The following RNU6-2 variants were observed in gnomAD, a reference collection of about 807,000 sequenced individuals.
RNU6-2 encodes RNA, U6 small nuclear 2.
At chr19:1,021,602 C>G (rs1203094578) in exon 1 of RNU6-2, 4 of 152,268 alleles carry the variant, frequency 2.6e-5, no homozygotes, top group East Asian at 1.9e-4. Flanking sequence ...GGATGACACG[C>G]AAATTCGTGA....
chr19:1,021,594 A>G lies in RNU6-2; in HGVS notation n.73A>G, dbSNP rs1379245973. 6.6e-6 allele frequency: 1 copy of G among 152,310 alleles called. No individual in the cohort carries two copies. Among genetic ancestry groups the G allele is most frequent in the South Asian group, 2.1e-4 (1 of 4,842 alleles). The allele number at this position is 152,310 out of a possible 1,614,324, so 9.4% of individuals were successfully genotyped here. A position where few individuals can be genotyped will look rare whatever the true frequency, so the allele number is the denominator to read the frequency against. ...AGATTAGCATGGCCCCTGCGCAAGG[A>G]TGACACGCAAATTCGTGAAGCGTTC... On this transcript the variant is annotated non_coding_transcript_exon_variant, in exon 1 of 1. Coordinates refer to ENST00000384627, the Ensembl canonical transcript of RNU6-2.
exon 1 of RNU6-2, chr19:1,021,626 T>C (rs976193061): frequency 3.9e-5 from 6 of 152,246 alleles, no homozygotes; most frequent in Non-Finnish European, 8.8e-5. Context: ...GTTCCATATT[T>C]TTGCTGTAGT....
At chr19:1,021,588 G>GT (rs1335323576) in exon 1 of RNU6-2, 2 of 152,244 alleles carry the variant, frequency 1.3e-5, no homozygotes, top group East Asian at 3.9e-4. Context: ...TGGCCCCTGC[G>GT]CAAGGATGAC....
At chr19:1,021,525 C>G (rs560187947) in exon 1 of RNU6-2, 6 of 152,280 alleles carry the variant, frequency 3.9e-5, no homozygotes, top group Non-Finnish European at 8.8e-5. Context: ...TTGAGTCGTG[C>G]TCGCTTCGGC....
chr19:1,021,522 G>C (rs796277980), exon 1 of RNU6-2: 4 of 152,404 alleles, frequency 2.6e-5, no homozygotes, highest in Admixed American at 6.5e-5. Context: ...CCCTTGAGTC[G>C]TGCTCGCTTC....
exon 1 of RNU6-2, chr19:1,021,628 T>C (rs117481827): frequency 0.092 from 13,985 of 152,354 alleles, 889 homozygotes; most frequent in Middle Eastern, 0.17. Context: ...TCCATATTTT[T>C]GCTGTAGTCT....
At chr19:1,021,601 G>C (rs914855510) in exon 1 of RNU6-2, 1 of 152,284 alleles carries the variant, frequency 6.6e-6, no homozygotes, top group African/African-American at 2.4e-5. Context: ...AGGATGACAC[G>C]CAAATTCGTG....
At chr19:1,021,553 T>TG (rs763551054) in exon 1 of RNU6-2, 2 of 152,292 alleles carry the variant, frequency 1.3e-5, no homozygotes, top group Middle Eastern at 3.2e-3. Context: ...ATACTAAAAT[T>TG]GGAACGATAC....
exon 1 of RNU6-2, chr19:1,021,590 A>G (rs893471494): frequency 5.9e-5 from 9 of 152,310 alleles, no homozygotes; most frequent in African/African-American, 1.2e-4. Context: ...GCCCCTGCGC[A>G]AGGATGACAC....
chr19:1,021,624 T>G (rs540359232), exon 1 of RNU6-2: 3 of 152,284 alleles, frequency 2.0e-5, no homozygotes, highest in African/African-American at 7.2e-5. Context: ...GCGTTCCATA[T>G]TTTTGCTGTA....
exon 1 of RNU6-2, chr19:1,021,534 G>C (rs753532045): frequency 6.6e-6 from 1 of 152,238 alleles, no homozygotes. Flanking sequence ...GCTCGCTTCG[G>C]CAGCACATAT....
At chr19:1,021,579 G>T (rs550901562) in exon 1 of RNU6-2, 1 of 152,244 alleles carries the variant, frequency 6.6e-6, no homozygotes, top group African/African-American at 2.4e-5. Flanking sequence ...AGATTAGCAT[G>T]GCCCCTGCGC....
chr19:1,021,588 G>C (rs1237144738), exon 1 of RNU6-2: 1 of 152,244 alleles, frequency 6.6e-6, no homozygotes, highest in African/African-American at 2.4e-5. Flanking sequence ...TGGCCCCTGC[G>C]CAAGGATGAC....
At chr19:1,021,565 G>C (rs565111227) in exon 1 of RNU6-2, 1 of 152,298 alleles carries the variant, frequency 6.6e-6, no homozygotes, top group Non-Finnish European at 1.5e-5. Context: ...GAACGATACA[G>C]AGAAGATTAG....
chr19:1,021,538 C>T (rs760150579), exon 1 of RNU6-2: 4 of 152,258 alleles, frequency 2.6e-5, no homozygotes, highest in African/African-American at 9.7e-5. Context: ...GCTTCGGCAG[C>T]ACATATACTA....
chr19:1,021,603 A>C (rs567392340), exon 1 of RNU6-2: 1 of 152,440 alleles, frequency 6.6e-6, no homozygotes, highest in East Asian at 1.9e-4. Flanking sequence ...GATGACACGC[A>C]AATTCGTGAA....
At chr19:1,021,524 G>C (rs368160006) in exon 1 of RNU6-2, 1 of 152,300 alleles carries the variant, frequency 6.6e-6, no homozygotes, top group Non-Finnish European at 1.5e-5. Flanking sequence ...CTTGAGTCGT[G>C]CTCGCTTCGG....
At chr19:1,021,575 G>A (rs138700545) in exon 1 of RNU6-2, 2 of 152,372 alleles carry the variant, frequency 1.3e-5, no homozygotes, top group African/African-American at 2.4e-5. Context: ...GAGAAGATTA[G>A]CATGGCCCCT....
chr19:1,021,618 TC>T (rs935187611), exon 1 of RNU6-2: 5 of 152,208 alleles, frequency 3.3e-5, no homozygotes, highest in African/African-American at 1.2e-4. Flanking sequence ...CGTGAAGCGT[TC>T]CATATTTTTG....
Sources: allele counts gnomAD v4.1 joint callset, GRCh38; gene constraint gnomAD v4.1.1; transcripts MANE v1.5; gene names NCBI Gene and HGNC (gene_info 2026-07-23, HGNC 2026-07-21).